Variants in ARRDC5 observed in about 807,000 individuals in gnomAD.
ARRDC5 encodes the protein arrestin domain containing 5.
ARRDC5 carries 12 observed loss-of-function variants against 13.3 expected under a neutral mutation model. That is an observed-to-expected ratio of 0.90 (90% CI 0.58 to 1.46). The LOEUF (loss-of-function observed/expected upper bound fraction) is 1.46, where lower values mean the gene tolerates loss of function less well. ARRDC5 is among the 40% of genes most tolerant of loss of function. The probability of loss-of-function intolerance (pLI) is 0.00; values close to 1 mark genes in which losing one functional copy is unlikely to be tolerated. For missense variants in ARRDC5, 406 were observed against 418.7 expected (o/e 0.97, Z 0.26); for synonymous variants, 181 against 173.4 (o/e 1.04, Z -0.34).
the ARRDC5 span, chr19:4,909,879 G>C: frequency 2.6e-6 from 1 of 377,490 alleles, no homozygotes; most frequent in Non-Finnish European, 4.7e-6. Context: ...GCGGGGGGTC[G>C]AGCGCGCCGG....
chr19:4,914,062 C>T, the ARRDC5 span, among the ~76,000 whole-genome samples: 2 of 151,952 alleles, frequency 1.3e-5, no homozygotes, highest in East Asian at 3.9e-4. Context: ...TGATTCACAC[C>T]CCCCTCCCCC....
chr19:4,890,875 A>C lies in ARRDC5; in HGVS notation c.*171T>G. On this transcript the variant is annotated 3_prime_UTR_variant, in exon 3 of 3. Transcript: ENST00000650722. ...TTTCCTTTGTCCATTCCAGGCATTCAGTGATAGTTCTAGGGAGGGGAGACA... is the reference window on the plus strand; with the variant it reads ...TTTCCTTTGTCCATTCCAGGCATTCCGTGATAGTTCTAGGGAGGGGAGACA... The C allele has an allele frequency of 1.7e-6, 1 of 601,992 alleles. No individual in the cohort carries two copies. Among genetic ancestry groups the C allele is most frequent in the Non-Finnish European group, 2.9e-6 (1 of 345,004 alleles). 37.3% of individuals were successfully genotyped at this position (601,992 alleles called of 1,614,324 possible). A position where few individuals can be genotyped will look rare whatever the true frequency, so the allele number is the denominator to read the frequency against.
At chr19:4,909,924 G>A in the ARRDC5 span, among the ~76,000 whole-genome samples, 1 of 151,128 alleles carries the variant, frequency 6.6e-6, no homozygotes, top group Admixed American at 6.6e-5. Flanking sequence ...CGGGGAGGAT[G>A]TCAGGCTCCG....
chr19:4,908,240 G>A, the ARRDC5 span, among the ~76,000 whole-genome samples: 1 of 152,136 alleles, frequency 6.6e-6, no homozygotes, highest in African/African-American at 2.4e-5. Flanking sequence ...GCGAGGACGT[G>A]GGGGTCTAGA....
the ARRDC5 span, among the ~76,000 whole-genome samples, chr19:4,915,513 A>G: frequency 6.6e-6 from 1 of 152,176 alleles, no homozygotes; most frequent in Non-Finnish European, 1.5e-5. Context: ...CAGGAGTTCT[A>G]GAACAGCGTG....
At chr19:4,906,323 G>T (rs1402235234), upstream of ARRDC5, among the ~76,000 whole-genome samples, 1 of 152,192 alleles carries the variant, frequency 6.6e-6, no homozygotes, top group Non-Finnish European at 1.5e-5. Context: ...ATGTTCTCAA[G>T]ATGACTAGGG....
Position 4,890,943 on chromosome 19 carries a change from C to A in ARRDC5, c.*103G>T. ...AGAGCTTGGGGAGGTTGCAGACAAC[C>A]TGTTGCCCACTCCTCGACTCCTCTG... On this transcript the variant is annotated 3_prime_UTR_variant, in exon 3 of 3. Transcript: ENST00000650722. 1 of 944,364 alleles carries A rather than the reference C, an allele frequency of 1.1e-6. No homozygotes were observed. The highest frequency in any genetic ancestry group is 1.6e-6 in the Non-Finnish European group (1 of 635,068). The allele number at this position is 944,364 out of a possible 1,614,324, so 58.5% of individuals were successfully genotyped here. A position where few individuals can be genotyped will look rare whatever the true frequency, so the allele number is the denominator to read the frequency against.
intron 2 of ARRDC5, among the ~76,000 whole-genome samples, chr19:4,892,426 G>A (rs1269354570): frequency 6.8e-6 from 1 of 146,104 alleles, no homozygotes; most frequent in Non-Finnish European, 1.5e-5. Flanking sequence ...GTGCAGTGGT[G>A]CACTCATGGC....
Position 4,902,796 on chromosome 19 carries a change from C to T in ARRDC5, c.30G>A (p.Val10=). The change falls in exon 1 of 3, where the codon GTG becomes GTA. Residue 10 remains valine, a synonymous_variant. Coordinates refer to ENST00000650722, the MANE Select transcript of ARRDC5 (RefSeq NM_001080523.3). ...CCAGGTAGATTCTATCCTCGGGCAG[C>T]ACTAATTCGATCGACTTCACCACAG... MSVVKSIEL[V]LPEDRIYLAG... The T allele has an allele frequency of 2.5e-6, 4 of 1,613,918 alleles. No homozygotes were observed. Among genetic ancestry groups the T allele is most frequent in the South Asian group, 1.1e-5 (1 of 91,082 alleles).
chr19:4,896,361 T>TTTACAC (rs761253103), intron 2 of ARRDC5, among the ~76,000 whole-genome samples: 2 of 84,958 alleles, frequency 2.4e-5, no homozygotes, highest in South Asian at 4.3e-4. Context: ...TTTTTTTTTT[T>TTTACAC]ACACACACAC....
intron 1 of ARRDC5, among the ~76,000 whole-genome samples, chr19:4,899,474 T>C (rs1398932604): frequency 6.7e-6 from 1 of 150,166 alleles, no homozygotes; most frequent in African/African-American, 2.5e-5. Flanking sequence ...CTACTAAAAA[T>C]ACAAAAAATT....
At chr19:4,903,017 T>C, upstream of ARRDC5, 1 of 621,564 alleles carries the variant, frequency 1.6e-6, no homozygotes, top group Non-Finnish European at 2.7e-6. Context: ...AAACCTGTAG[T>C]CCTCACTGGT....
the ARRDC5 span, among the ~76,000 whole-genome samples, chr19:4,913,352 C>G: frequency 1.1e-4 from 16 of 146,250 alleles, no homozygotes; most frequent in Non-Finnish European, 2.2e-4. Context: ...CTCCCAAGTT[C>G]AAGCGATCCT....
At chr19:4,896,900 C>G in intron 1 of ARRDC5, 24 bp from the exon 2 acceptor site, 2 of 1,543,460 alleles carry the variant, frequency 1.3e-6, no homozygotes, top group African/African-American at 1.4e-5. Context: ...ACACCGATGC[C>G]ATCAGAAGGT....
At chr19:4,914,035 G>A in the ARRDC5 span, among the ~76,000 whole-genome samples, 9 of 151,762 alleles carry the variant, frequency 5.9e-5, no homozygotes, top group Non-Finnish European at 1.0e-4. Flanking sequence ...GGCTGGTCTC[G>A]AACTCCCGAC....
In ARRDC5 at chr19:4,896,359, TTTACACACACACACAC is replaced by T. The variant is rs1413219170; in HGVS notation, c.459+296_459+311del. Reference sequence around the variant, plus strand: ...ATATATATATATATATTTTTTTTTTTTTACACACACACACACACACACACACACACACACACACACA... The same window carrying T: ...ATATATATATATATATTTTTTTTTTTACACACACACACACACACACACACA... On this transcript the variant is annotated intron_variant, in intron 2 of 2. Transcript: ENST00000650722. 2.5e-4 allele frequency among the ~76,000 whole-genome samples: 21 copies of T among 82,966 alleles called. 1 individual carries two copies. The East Asian group carries it at 5.1e-3, about 20-fold the overall frequency. The allele number at this position is 82,966 out of a possible 152,430, so 54.4% of individuals were successfully genotyped here. A position where few individuals can be genotyped will look rare whatever the true frequency, so the allele number is the denominator to read the frequency against.
chr19:4,910,988 C>T, the ARRDC5 span: 2 of 1,612,378 alleles, frequency 1.2e-6, no homozygotes, highest in South Asian at 2.2e-5. Flanking sequence ...GATCCAGGAG[C>T]TGTTCCACGT....
the ARRDC5 span, among the ~76,000 whole-genome samples, chr19:4,908,596 G>A: frequency 9.8e-4 from 149 of 152,176 alleles, no homozygotes; most frequent in African/African-American, 3.3e-3. Context: ...TCTCATCTCC[G>A]ATTCCAGCTC....
the ARRDC5 span, among the ~76,000 whole-genome samples, chr19:4,915,248 G>T: frequency 6.6e-6 from 1 of 152,110 alleles, no homozygotes; most frequent in Non-Finnish European, 1.5e-5. Flanking sequence ...CGGGAGGGAG[G>T]GTCCCCACCA....
Sources: allele counts gnomAD v4.1 joint callset (sites outside exome capture counted in the v4.1 genomes callset), GRCh38; gene constraint gnomAD v4.1.1; transcripts MANE v1.5; gene names NCBI Gene and HGNC (gene_info 2026-07-23, HGNC 2026-07-21).